The following MYO3B variants were observed in gnomAD, a reference collection of about 807,000 sequenced individuals.
MYO3B encodes myosin-IIIb.
Under a neutral mutation model 174.6 loss-of-function variants are expected in MYO3B, and 156 were observed. That is an observed-to-expected ratio of 0.89 (90% CI 0.78 to 1.02). MYO3B has a LOEUF of 1.02. Ranked by LOEUF, MYO3B falls within the 50% of genes least tolerant of loss-of-function variation. The pLI is 0.00. For missense variants in MYO3B, 1,632 were observed against 1,639.4 expected (o/e 1.00, Z 0.08); for synonymous variants, 563 against 569.1 (o/e 0.99, Z 0.15).
chr2:170,556,291 A>G (rs891879339), intron 32 of MYO3B, among the ~76,000 whole-genome samples: 3 of 152,200 alleles, frequency 2.0e-5, no homozygotes, highest in South Asian at 4.1e-4. Context: ...TGAACCTACC[A>G]TAAACATTTG....
chr2:170,483,372 A>ATTTTTTTTTT (rs1219069017), intron 25 of MYO3B, among the ~76,000 whole-genome samples: 3 of 74,698 alleles, frequency 4.0e-5, no homozygotes, highest in Non-Finnish European at 5.5e-5. Flanking sequence ...TTGCTTGGGG[A>ATTTTTTTTTT]TTCTTTTTTT....
Position 170,346,586 on chromosome 2 carries a change from T to G in MYO3B, c.815+11136T>G, listed in dbSNP as rs147047849. Reference sequence around the variant, plus strand: ...ACCTTCCTTTTTCTCTCTTTCATTTTATTTTTTGTTTAAATATGTGTCATA... The same window carrying G: ...ACCTTCCTTTTTCTCTCTTTCATTTGATTTTTTGTTTAAATATGTGTCATA... On this transcript the variant is annotated intron_variant, in intron 8 of 34. Transcript: ENST00000408978. Among the ~76,000 whole-genome samples the G allele has an allele frequency of 1.1e-3, 160 of 152,358 alleles. 1 individual carries two copies. Among genetic ancestry groups the G allele is most frequent in the African/African-American group, 3.5e-3 (147 of 41,588 alleles).
chr2:170,652,666 G>A (rs965462514), intron 34 of MYO3B, among the ~76,000 whole-genome samples: 1 of 152,170 alleles, frequency 6.6e-6, no homozygotes, highest in Admixed American at 6.5e-5. Context: ...GAGGTCAGGA[G>A]GAAAACTTTC....
intron 32 of MYO3B, among the ~76,000 whole-genome samples, chr2:170,619,737 CT>C (rs71412032): frequency 0.031 from 1,576 of 50,544 alleles, 9 homozygotes; most frequent in African/African-American, 0.12. Flanking sequence ...CTGCCATATT[CT>C]TTTTTTTTTT....
chr2:170,488,275 TTTTA>T (rs10684032), intron 25 of MYO3B, among the ~76,000 whole-genome samples: 96 of 151,562 alleles, frequency 6.3e-4, no homozygotes, highest in African/African-American at 2.2e-3. Flanking sequence ...GTAGCAGTGG[TTTTA>T]TTTATTTATT....
chr2:170,628,896 A>G (rs1483901853), intron 32 of MYO3B, among the ~76,000 whole-genome samples: 1 of 152,164 alleles, frequency 6.6e-6, no homozygotes, highest in Non-Finnish European at 1.5e-5. Flanking sequence ...GGAACCCTAT[A>G]ACTCTGATCA....
intron 7 of MYO3B, among the ~76,000 whole-genome samples, chr2:170,300,177 A>G (rs1253310584): frequency 2.0e-5 from 3 of 152,168 alleles, no homozygotes; most frequent in Non-Finnish European, 4.4e-5. Context: ...TACCTTTGAA[A>G]TTGGGTCTGA....
intron 1 of MYO3B, among the ~76,000 whole-genome samples, chr2:170,185,170 T>G (rs191379812): frequency 6.6e-6 from 1 of 152,302 alleles, no homozygotes; most frequent in Non-Finnish European, 1.5e-5. Flanking sequence ...TCAGAAGTTT[T>G]AAACTTGATG....
At chr2:170,646,606 G>C (rs1226392463) in intron 32 of MYO3B, among the ~76,000 whole-genome samples, 1 of 152,080 alleles carries the variant, frequency 6.6e-6, no homozygotes, top group African/African-American at 2.4e-5. Flanking sequence ...ATGTTGCCTG[G>C]GCTGCTCTCG....
intron 22 of MYO3B, among the ~76,000 whole-genome samples, chr2:170,422,462 CTT>C (rs35820262): frequency 2.8e-5 from 4 of 144,174 alleles, no homozygotes; most frequent in African/African-American, 5.1e-5. Context: ...CTATTAGCCA[CTT>C]TTTTTTTTTT....
intron 23 of MYO3B, among the ~76,000 whole-genome samples, chr2:170,460,256 G>A (rs570743901): frequency 1.3e-5 from 2 of 152,226 alleles, no homozygotes; most frequent in African/African-American, 2.4e-5. Flanking sequence ...TTGGGAGGCC[G>A]AGGCGGGCGG....
chr2:170,262,301 G>A (rs1325910232), intron 7 of MYO3B, among the ~76,000 whole-genome samples: 1 of 152,166 alleles, frequency 6.6e-6, no homozygotes. Context: ...GCTGGGGTGA[G>A]AGACGGGGCT....
intron 6 of MYO3B, among the ~76,000 whole-genome samples, chr2:170,229,966 G>T (rs1476378229): frequency 6.6e-6 from 1 of 151,998 alleles, no homozygotes; most frequent in Non-Finnish European, 1.5e-5. Flanking sequence ...CAGTAGAAAG[G>T]GATATAGTTG....
intron 30 of MYO3B, chr2:170,524,728 G>A (rs555859305): frequency 1.1e-4 from 33 of 311,010 alleles, no homozygotes; most frequent in South Asian, 3.2e-4. Context: ...CTAGCGATTC[G>A]TCCCCCTCAG....
intron 16 of MYO3B, among the ~76,000 whole-genome samples, chr2:170,394,017 T>C (rs2094430470): frequency 6.6e-6 from 1 of 152,128 alleles, no homozygotes; most frequent in Non-Finnish European, 1.5e-5. Flanking sequence ...ACTTGTGTCA[T>C]GCCAAAGTAC....
rs1052081782 is a variant in MYO3B, at chr2:170,263,789, G to A, written c.749+27653G>A. Among the ~76,000 whole-genome samples the A allele has an allele frequency of 2.0e-5, 3 of 150,372 alleles. No individual in the cohort carries two copies. The East Asian group carries it at 5.8e-4, about 29-fold the overall frequency. On this transcript the variant is annotated intron_variant, in intron 7 of 34. Coordinates refer to ENST00000408978, the MANE Select transcript of MYO3B (RefSeq NM_138995.5). ...CTTCCTCTTATCTCAACTGCAAAGA[G>A]GCCTTCCTCTTATCTCAACTGCAAA... is the stretch of plus-strand genomic sequence containing the variant.
intron 32 of MYO3B, among the ~76,000 whole-genome samples, chr2:170,604,428 T>A (rs751364972): frequency 5.3e-5 from 8 of 152,170 alleles, no homozygotes; most frequent in Non-Finnish European, 1.2e-4. Context: ...TTTAACTTTT[T>A]TTCTTTACCT....
chr2:170,279,534 G>A (rs896893370), intron 7 of MYO3B, among the ~76,000 whole-genome samples: 1 of 151,946 alleles, frequency 6.6e-6, no homozygotes, highest in Admixed American at 6.6e-5. Flanking sequence ...TGTCATGGGG[G>A]TTTGTTGTAC....
At position 170,236,150 on chromosome 2, in the gene MYO3B, T is replaced by C. The variant is rs1436054046; in HGVS notation, c.749+14T>C. ...TAAGATTCCAAGGTAAGACACAAGA[T>C]GGCGCTCTTGACTCATTAGTTCTTT... is the stretch of plus-strand genomic sequence containing the variant. On this transcript the variant is annotated intron_variant, in intron 7 of 34. Coordinates refer to ENST00000408978, the MANE Select transcript of MYO3B (RefSeq NM_138995.5). 6.2e-7 allele frequency: 1 copy of C among 1,614,092 alleles called. No homozygotes were observed. The highest frequency in any genetic ancestry group is 2.2e-5 in the East Asian group (1 of 44,864).
Sources: allele counts gnomAD v4.1 joint callset (sites outside exome capture counted in the v4.1 genomes callset), GRCh38; gene constraint gnomAD v4.1.1; transcripts MANE v1.5; gene names NCBI Gene and HGNC (gene_info 2026-07-23, HGNC 2026-07-21).